Variants in SIK3 observed in about 807,000 individuals in gnomAD.
SIK3 encodes serine/threonine-protein kinase SIK3.
A neutral mutation model predicts 144.2 loss-of-function variants in SIK3; 28 were observed. That is an observed-to-expected ratio of 0.19 (90% CI 0.14 to 0.27). The LOEUF (loss-of-function observed/expected upper bound fraction) is 0.27. SIK3 is among the 10% of genes least tolerant of loss of function. SIK3 has a pLI of 1.00. For synonymous variants in SIK3, 686 were observed against 676.3 expected (o/e 1.01, Z -0.22); for missense variants, 1,319 against 1,776.0 (o/e 0.74, Z 4.62).
chr11:117,007,379 A>C (rs1352923597), intron 1 of SIK3, among the ~76,000 whole-genome samples: 1 of 152,174 alleles, frequency 6.6e-6, no homozygotes, highest in Non-Finnish European at 1.5e-5. Context: ...CTCTGTCTCA[A>C]AACAAACAAA....
At chr11:116,968,807 T>C (rs1270413490) in intron 1 of SIK3, among the ~76,000 whole-genome samples, 2 of 152,204 alleles carry the variant, frequency 1.3e-5, no homozygotes, top group Non-Finnish European at 1.5e-5. Flanking sequence ...GTATTGAGTA[T>C]AGTTAATAAC....
chr11:116,878,383 T>C (rs113157173), intron 6 of SIK3, among the ~76,000 whole-genome samples: 3 of 102,652 alleles, frequency 2.9e-5, no homozygotes, highest in Non-Finnish European at 6.3e-5. Flanking sequence ...CTCTCTCCCT[T>C]TTTTTTTTTT....
intron 12 of SIK3, 118 bp downstream of exon 12, chr11:116,873,785 G>C: frequency 2.0e-6 from 3 of 1,480,340 alleles, no homozygotes; most frequent in South Asian, 1.4e-5. Flanking sequence ...TACTTTGCAA[G>C]ATAAATCATC....
At chr11:117,031,175 T>C (rs944946975) in intron 1 of SIK3, among the ~76,000 whole-genome samples, 10 of 152,208 alleles carry the variant, frequency 6.6e-5, no homozygotes, top group African/African-American at 1.9e-4. Flanking sequence ...AACTTACCAA[T>C]TTTTCCTTTT....
At chr11:116,922,362 A>G (rs1165215947) in intron 4 of SIK3, among the ~76,000 whole-genome samples, 2 of 152,144 alleles carry the variant, frequency 1.3e-5, no homozygotes, top group Non-Finnish European at 2.9e-5. Flanking sequence ...GTGGTGGAAC[A>G]TGCCTGTAGT....
At chr11:116,987,331 A>AC (rs1343469548) in intron 1 of SIK3, among the ~76,000 whole-genome samples, 1 of 146,528 alleles carries the variant, frequency 6.8e-6, no homozygotes, top group Non-Finnish European at 1.5e-5. Flanking sequence ...TAAAAAAAAA[A>AC]AAAAAAACAC....
At chr11:116,878,295 T>C (rs1220366379) in intron 6 of SIK3, among the ~76,000 whole-genome samples, 1 of 152,170 alleles carries the variant, frequency 6.6e-6, no homozygotes, top group Non-Finnish European at 1.5e-5. Context: ...ATCACCACTT[T>C]GCCTGTAACT....
chr11:117,056,460 C>T (rs1431456933), intron 1 of SIK3, among the ~76,000 whole-genome samples: 2 of 151,528 alleles, frequency 1.3e-5, no homozygotes, highest in Non-Finnish European at 2.9e-5. Context: ...ACCAACATGG[C>T]ACATGTATAC....
At chr11:116,873,782 C>T in intron 12 of SIK3, 121 bp downstream of exon 12, 1 of 1,472,138 alleles carries the variant, frequency 6.8e-7, no homozygotes, top group Non-Finnish European at 9.1e-7. Context: ...AGCTACTTTG[C>T]AAGATAAATC....
chr11:117,070,459 T>A (rs1404316815), intron 1 of SIK3, among the ~76,000 whole-genome samples: 1 of 151,954 alleles, frequency 6.6e-6, no homozygotes, highest in African/African-American at 2.4e-5. Context: ...TTTTTTTTCT[T>A]TTTTGAGACA....
intron 1 of SIK3, among the ~76,000 whole-genome samples, chr11:116,977,284 T>C (rs1949981200): frequency 7.8e-6 from 1 of 128,370 alleles, no homozygotes; most frequent in African/African-American, 3.0e-5. Context: ...TCTCGTTATG[T>C]TGCCTGGAAT....
intron 1 of SIK3, among the ~76,000 whole-genome samples, chr11:117,071,947 T>C (rs1954300591): frequency 6.6e-6 from 1 of 151,992 alleles, no homozygotes; most frequent in African/African-American, 2.4e-5. Context: ...TTTGTTTTAA[T>C]GAAAGATTAA....
intron 3 of SIK3, among the ~76,000 whole-genome samples, chr11:116,943,734 T>A (rs993537336): frequency 2.0e-5 from 3 of 152,160 alleles, no homozygotes; most frequent in Non-Finnish European, 4.4e-5. Flanking sequence ...ACTCTACCAA[T>A]GTATAGCAAC....
chr11:117,002,656 A>AC (rs1950896357), intron 1 of SIK3, among the ~76,000 whole-genome samples: 2 of 152,222 alleles, frequency 1.3e-5, no homozygotes, highest in South Asian at 4.1e-4. Flanking sequence ...AAAACATTTC[A>AC]CAATATTGGC....
At chr11:117,096,549 C>T (rs1955480773) in intron 1 of SIK3, among the ~76,000 whole-genome samples, 2 of 152,302 alleles carry the variant, frequency 1.3e-5, no homozygotes, top group South Asian at 4.1e-4. Context: ...CTTCCCCTGA[C>T]TTCCCCTCAG....
intron 1 of SIK3, among the ~76,000 whole-genome samples, chr11:116,994,258 C>A (rs1050427187): frequency 6.6e-6 from 1 of 152,166 alleles, no homozygotes; most frequent in African/African-American, 2.4e-5. Flanking sequence ...GTCTCCAAGC[C>A]AAACCTTTGT....
In SIK3 at chr11:116,846,593, T is replaced by G; in HGVS notation, c.3953-40A>C. The G allele has an allele frequency of 6.2e-7, 1 of 1,612,248 alleles. No homozygotes were observed. The highest frequency in any genetic ancestry group is 8.5e-7 in the Non-Finnish European group (1 of 1,178,872). ...AGAACGTATGAGGTTGGCAGGGAAC[T>G]GGGGGACTAGGAGAGCAAGGGGGAG... On this transcript the variant is annotated intron_variant, in intron 23 of 24. Coordinates refer to ENST00000445177, the MANE Select transcript of SIK3 (RefSeq NM_001366686.3). This position sits in a 1 kb window ranked among gnomAD's most constrained non-coding sequence, Gnocchi z 4.1.
In SIK3 at chr11:117,037,406, C is replaced by T. The variant is rs189007543; in HGVS notation, c.273+60737G>A. 2.2e-3 allele frequency among the ~76,000 whole-genome samples: 339 copies of T among 152,260 alleles called. 1 individual carries two copies. The highest frequency in any genetic ancestry group is 7.6e-3 in the African/African-American group (315 of 41,544). ...AGCATACATTAACAATAAAAGTCAA[C>T]TACAAGAGATATCAGAAAGCAAAAC... On this transcript the variant is annotated intron_variant, in intron 1 of 24. Coordinates refer to ENST00000445177, the MANE Select transcript of SIK3 (RefSeq NM_001366686.3).
chr11:116,929,869 T>G (rs1947501514), intron 3 of SIK3, among the ~76,000 whole-genome samples: 1 of 152,210 alleles, frequency 6.6e-6, no homozygotes, highest in South Asian at 2.1e-4. Context: ...CCTTCAGGAT[T>G]CTGCAGAGCT....
Sources: allele counts gnomAD v4.1 joint callset (sites outside exome capture counted in the v4.1 genomes callset), GRCh38; gene constraint gnomAD v4.1.1; non-coding constraint Gnocchi (gnomAD v3.1); transcripts MANE v1.5; gene names NCBI Gene and HGNC (gene_info 2026-07-23, HGNC 2026-07-21).